LRP1B: variants seen among roughly 807,000 people sequenced by gnomAD.
LRP1B encodes low-density lipoprotein receptor-related protein 1B.
A neutral mutation model predicts 556.6 loss-of-function variants in LRP1B; 217 were observed. The observed-to-expected ratio is 0.39, with a 90% confidence interval of 0.35 to 0.44. The LOEUF (loss-of-function observed/expected upper bound fraction) is 0.44, where lower values mean the gene tolerates loss of function less well. Among genes scored for constraint, LRP1B ranks in the 20% least tolerant of loss-of-function variants. The pLI is 1.00. For missense variants in LRP1B, 5,053 were observed against 5,620.8 expected (o/e 0.90, Z 3.23); for synonymous variants, 2,047 against 1,865.8 (o/e 1.10, Z -2.50).
At chr2:141,915,612 C>T (rs1008471431) in intron 1 of LRP1B, among the ~76,000 whole-genome samples, 1 of 152,056 alleles carries the variant, frequency 6.6e-6, no homozygotes, top group Non-Finnish European at 1.5e-5. Context: ...AGAGCTACTG[C>T]ACAGCAAAAG....
chr2:141,137,505 A>T (rs965392634), intron 7 of LRP1B, among the ~76,000 whole-genome samples: 1 of 151,998 alleles, frequency 6.6e-6, no homozygotes, highest in Non-Finnish European at 1.5e-5. Flanking sequence ...AGAAAAGGCT[A>T]CAAAATGATG....
intron 1 of LRP1B, among the ~76,000 whole-genome samples, chr2:141,900,356 A>G (rs1699580790): frequency 6.6e-6 from 1 of 152,120 alleles, no homozygotes; most frequent in Admixed American, 6.6e-5. Context: ...GTTTGCAGAT[A>G]TGCAAAAGAA....
chr2:141,487,003 C>A (rs74526839), intron 2 of LRP1B, among the ~76,000 whole-genome samples: 3 of 152,024 alleles, frequency 2.0e-5, no homozygotes, highest in African/African-American at 7.2e-5. Flanking sequence ...AGAACATTTT[C>A]CACCATTCTT....
intron 49 of LRP1B, among the ~76,000 whole-genome samples, chr2:140,525,165 A>C (rs1690375725): frequency 6.6e-6 from 1 of 151,836 alleles, no homozygotes; most frequent in Admixed American, 6.6e-5. Context: ...AGAGAGGCAA[A>C]CCAATATGAG....
intron 2 of LRP1B, among the ~76,000 whole-genome samples, chr2:141,703,479 CATTCATCTCAGTGATG>C (rs1421084890): frequency 2.0e-5 from 3 of 151,972 alleles, no homozygotes; most frequent in African/African-American, 7.2e-5. Flanking sequence ...ACAAGAACAT[CATTCATCTCAGTGATG>C]ATTTGCATTA....
intron 2 of LRP1B, among the ~76,000 whole-genome samples, chr2:141,780,463 A>G (rs1695217837): frequency 6.6e-6 from 1 of 152,198 alleles, no homozygotes; most frequent in Non-Finnish European, 1.5e-5. Context: ...ATTTAATTCA[A>G]TCAGTGATGT....
At chr2:141,127,057 T>A (rs1246208818) in intron 7 of LRP1B, among the ~76,000 whole-genome samples, 1 of 150,708 alleles carries the variant, frequency 6.6e-6, no homozygotes. Flanking sequence ...CCCCTCCCTG[T>A]GTCCATGTGT....
chr2:140,527,835 T>C (rs1352046), intron 47 of LRP1B, among the ~76,000 whole-genome samples: 122,114 of 151,818 alleles, frequency 0.8, 49,261 homozygotes, highest in East Asian at 0.9. Context: ...TTGGCTTCAC[T>C]GTCTACTAGT....
chr2:140,436,540 G>A (rs13003819), intron 66 of LRP1B, among the ~76,000 whole-genome samples: 48,115 of 151,248 alleles, frequency 0.32, 8,108 homozygotes, highest in African/African-American at 0.35. Context: ...ATGGAATGCC[G>A]AGAAGTGGAA....
At chr2:141,183,466 C>G (rs1248802268) in intron 7 of LRP1B, among the ~76,000 whole-genome samples, 7 of 151,996 alleles carry the variant, frequency 4.6e-5, no homozygotes, top group African/African-American at 1.7e-4. Flanking sequence ...GTTTTTTAAA[C>G]TCTTCAATAC....
At chr2:142,061,932 G>A (rs1005454247) in intron 1 of LRP1B, among the ~76,000 whole-genome samples, 1 of 151,754 alleles carries the variant, frequency 6.6e-6, no homozygotes, top group Non-Finnish European at 1.5e-5. Flanking sequence ...TTGTACCCTG[G>A]TGAATGTCTC....
chr2:140,710,575 T>C (rs899759722), intron 37 of LRP1B, among the ~76,000 whole-genome samples: 1 of 151,970 alleles, frequency 6.6e-6, no homozygotes, highest in Admixed American at 6.6e-5. Context: ...AAGATAAATA[T>C]AATAAGAGAG....
intron 7 of LRP1B, among the ~76,000 whole-genome samples, chr2:141,119,035 C>A (rs1371553552): frequency 1.3e-5 from 2 of 151,846 alleles, no homozygotes; most frequent in African/African-American, 2.4e-5. Context: ...GGTTAATTTG[C>A]ACTAATCAGC....
At chr2:141,911,020 A>C (rs1283124088) in intron 1 of LRP1B, among the ~76,000 whole-genome samples, 5 of 152,096 alleles carry the variant, frequency 3.3e-5, no homozygotes, top group African/African-American at 1.2e-4. Context: ...ATACAGGTAC[A>C]TATACACATG....
At chr2:141,212,435 C>T (rs535958065) in intron 6 of LRP1B, among the ~76,000 whole-genome samples, 5 of 149,754 alleles carry the variant, frequency 3.3e-5, no homozygotes, top group South Asian at 2.1e-4. Context: ...TCCACCACCA[C>T]GCCCGGATAA....
At chr2:140,790,549 C>T (rs1228477437) in intron 32 of LRP1B, among the ~76,000 whole-genome samples, 2 of 152,100 alleles carry the variant, frequency 1.3e-5, no homozygotes, top group Non-Finnish European at 2.9e-5. Flanking sequence ...TGAGTTTCAG[C>T]AGTAAACCTG....
intron 3 of LRP1B, among the ~76,000 whole-genome samples, chr2:141,329,658 A>AC (rs1389533740): frequency 7.2e-5 from 10 of 138,738 alleles, no homozygotes; most frequent in South Asian, 2.1e-4. Flanking sequence ...AAAAAAAAAA[A>AC]AAAAAAACTA....
At chr2:140,859,165 C>T (rs1311727693) in intron 27 of LRP1B, among the ~76,000 whole-genome samples, 1 of 151,926 alleles carries the variant, frequency 6.6e-6, no homozygotes, top group Non-Finnish European at 1.5e-5. Flanking sequence ...TTTAAGCAAC[C>T]TGCAAGTATT....
At chr2:141,079,083 A>G (rs1699862114) in intron 7 of LRP1B, among the ~76,000 whole-genome samples, 1 of 151,904 alleles carries the variant, frequency 6.6e-6, no homozygotes, top group African/African-American at 2.4e-5. Flanking sequence ...GTATAGTATC[A>G]TGTACTTATA....
Sources: allele counts gnomAD v4.1 joint callset (sites outside exome capture counted in the v4.1 genomes callset), GRCh38; gene constraint gnomAD v4.1.1; transcripts MANE v1.5; gene names NCBI Gene and HGNC (gene_info 2026-07-23, HGNC 2026-07-21).